KCNIP4: variants seen among roughly 807,000 people sequenced by gnomAD.
The protein encoded by KCNIP4 is potassium voltage-gated channel interacting protein 4.
In KCNIP4, 12 loss-of-function variants were observed where a neutral mutation model predicts 34.0. The ratio of observed to expected loss-of-function variants is 0.35; its 90% CI spans 0.23 to 0.57. The LOEUF (loss-of-function observed/expected upper bound fraction) is 0.57. Among genes scored for constraint, KCNIP4 ranks in the 20% least tolerant of loss-of-function variants. The pLI, the probability that KCNIP4 is intolerant of heterozygous loss-of-function variation, is 0.83. For synonymous variants in KCNIP4, 124 were observed against 102.2 expected (o/e 1.21, Z -1.29); for missense variants, 238 against 311.7 (o/e 0.76, Z 1.78).
intron 1 of KCNIP4, among the ~76,000 whole-genome samples, chr4:21,752,604 T>C (rs1717229591): frequency 2.6e-5 from 4 of 152,224 alleles, no homozygotes; most frequent in Admixed American, 2.0e-4. Flanking sequence ...AAGGGAGGGA[T>C]GGAAGACAAA....
chr4:21,557,842 A>G (rs936506782), intron 1 of KCNIP4, among the ~76,000 whole-genome samples: 3 of 152,178 alleles, frequency 2.0e-5, no homozygotes, highest in Non-Finnish European at 4.4e-5. Flanking sequence ...TTGTAACTAT[A>G]GAAAAACAAC....
At chr4:21,449,617 T>C (rs989164506) in intron 1 of KCNIP4, among the ~76,000 whole-genome samples, 35 of 150,302 alleles carry the variant, frequency 2.3e-4, no homozygotes, top group African/African-American at 8.6e-4. Flanking sequence ...ACTTTAAGAA[T>C]AAGAAAACTT....
intron 1 of KCNIP4, among the ~76,000 whole-genome samples, chr4:21,603,496 T>C (rs1158160): frequency 0.66 from 99,779 of 151,908 alleles, 33,409 homozygotes; most frequent in East Asian, 0.87. Flanking sequence ...GGTTGAGAAA[T>C]GAAAGCAGGT....
At chr4:21,752,992 T>G (rs2017960) in intron 1 of KCNIP4, among the ~76,000 whole-genome samples, 110,477 of 151,120 alleles carry the variant, frequency 0.73, 41,573 homozygotes, top group African/African-American at 0.85. Flanking sequence ...AATTAGAGGG[T>G]TTTTTTTTAT....
intron 1 of KCNIP4, among the ~76,000 whole-genome samples, chr4:21,934,875 T>C (rs1729767194): frequency 6.6e-6 from 1 of 152,122 alleles, no homozygotes; most frequent in Non-Finnish European, 1.5e-5. Flanking sequence ...AAAAGGATAT[T>C]TAAAATTGCT....
intron 1 of KCNIP4, among the ~76,000 whole-genome samples, chr4:21,497,951 A>G (rs777492650): frequency 2.6e-4 from 39 of 152,200 alleles, no homozygotes; most frequent in Non-Finnish European, 4.9e-4. Flanking sequence ...GTGCAAAGAT[A>G]TCTGTCTTTA....
intron 1 of KCNIP4, among the ~76,000 whole-genome samples, chr4:21,370,848 T>TACACACAC (rs1560338086): frequency 4.7e-5 from 1 of 21,440 alleles, no homozygotes; most frequent in Non-Finnish European, 6.7e-5. Flanking sequence ...TATATATATA[T>TACACACAC]ATACACACAC....
intron 1 of KCNIP4, among the ~76,000 whole-genome samples, chr4:21,386,673 A>G (rs1722063588): frequency 6.6e-6 from 1 of 152,188 alleles, no homozygotes; most frequent in African/African-American, 2.4e-5. Context: ...GTATAAACAG[A>G]TAACTAAGGA....
At chr4:21,245,265 G>C (rs1760115233) in intron 1 of KCNIP4, among the ~76,000 whole-genome samples, 2 of 152,202 alleles carry the variant, frequency 1.3e-5, no homozygotes, top group African/African-American at 4.8e-5. Context: ...CTGTTTCTCT[G>C]TAGGGTTACT....
At chr4:20,980,602 T>A (rs1372668309) in intron 1 of KCNIP4, among the ~76,000 whole-genome samples, 1 of 152,130 alleles carries the variant, frequency 6.6e-6, no homozygotes, top group Non-Finnish European at 1.5e-5. Flanking sequence ...CAATACTGCT[T>A]TATCTCAACA....
At position 20,729,475 on chromosome 4, in the gene KCNIP4, T is replaced by TTTTTAAATGTTTAATA. The variant is rs2149240035; in HGVS notation, c.*591_*606dup. The TTTTTAAATGTTTAATA allele has an allele frequency of 8.4e-6, 1 of 118,558 alleles. No individual in the cohort carries two copies. The highest frequency in any genetic ancestry group is 3.7e-5 in the African/African-American group (1 of 27,242). The allele number at this position is 118,558 out of a possible 1,614,324, so 7.3% of individuals were successfully genotyped here. On this transcript the variant is annotated 3_prime_UTR_variant, in exon 9 of 9. Coordinates refer to ENST00000382152, the MANE Select transcript of KCNIP4 (RefSeq NM_025221.6). The stretch of plus-strand genomic sequence containing the variant: ...ATGCTGATATCTGATAATAAACTAA[T>TTTTTAAATGTTTAATA]TTTTAAATGTTTAATAATTTTTAAA...
intron 1 of KCNIP4, among the ~76,000 whole-genome samples, chr4:21,076,672 T>C (rs1745514265): frequency 6.6e-6 from 1 of 152,134 alleles, no homozygotes; most frequent in Non-Finnish European, 1.5e-5. Flanking sequence ...TTATCTGAAA[T>C]GATGAAATCA....
chr4:20,735,785 G>A (rs763628935), intron 5 of KCNIP4, among the ~76,000 whole-genome samples: 8 of 151,928 alleles, frequency 5.3e-5, no homozygotes, highest in South Asian at 2.1e-4. Context: ...TCTGCCCACC[G>A]CCGCCTCTCA....
At chr4:21,397,234 G>A (rs1723083153) in intron 1 of KCNIP4, among the ~76,000 whole-genome samples, 1 of 152,138 alleles carries the variant, frequency 6.6e-6, no homozygotes, top group South Asian at 2.1e-4. Context: ...AAATAGCAAG[G>A]TGACAAATTC....
intron 1 of KCNIP4, among the ~76,000 whole-genome samples, chr4:21,841,619 C>T (rs942556321): frequency 5.9e-5 from 9 of 151,984 alleles, no homozygotes; most frequent in Non-Finnish European, 4.4e-5. Flanking sequence ...GGAACATATC[C>T]CTGTTCTCCT....
At chr4:21,348,599 C>T (rs1334996075) in intron 1 of KCNIP4, among the ~76,000 whole-genome samples, 1 of 152,106 alleles carries the variant, frequency 6.6e-6, no homozygotes, top group Admixed American at 6.6e-5. Flanking sequence ...TAAACCAAAC[C>T]ATCTTAATAT....
chr4:21,811,396 T>C (rs186423014), intron 1 of KCNIP4, among the ~76,000 whole-genome samples: 77 of 152,352 alleles, frequency 5.1e-4, no homozygotes, highest in Non-Finnish European at 8.7e-4. Context: ...AATTAAGCCA[T>C]AGTTCATGTC....
At chr4:21,832,024 TA>T (rs1319256315) in intron 1 of KCNIP4, among the ~76,000 whole-genome samples, 2 of 152,042 alleles carry the variant, frequency 1.3e-5, no homozygotes, top group Non-Finnish European at 2.9e-5. Context: ...AACAGCACAT[TA>T]AAACAGCACA....
chr4:20,979,982 C>T (rs1735915075), intron 1 of KCNIP4, among the ~76,000 whole-genome samples: 2 of 152,182 alleles, frequency 1.3e-5, no homozygotes, highest in South Asian at 4.1e-4. Flanking sequence ...GCTCAATTTC[C>T]TTGCTCAGCT....
Sources: gnomAD v4.1 joint callset for allele counts (sites outside exome capture counted in the v4.1 genomes callset) on GRCh38, gnomAD v4.1.1 for gene constraint, MANE v1.5 for transcripts, NCBI Gene and HGNC (gene_info 2026-07-23, HGNC 2026-07-21) for gene names.